Variants in LRRC28 observed in about 807,000 individuals in gnomAD.
LRRC28 encodes the protein leucine-rich repeat-containing protein 28.
Under a neutral mutation model 45.7 loss-of-function variants are expected in LRRC28, and 39 were observed. The observed-to-expected ratio is 0.85, with a 90% confidence interval of 0.66 to 1.12. The LOEUF (loss-of-function observed/expected upper bound fraction) is 1.12. Ranked by LOEUF, LRRC28 falls within the 50% of genes most tolerant of loss-of-function variation. The probability of loss-of-function intolerance (pLI) is 0.00; values close to 1 mark genes in which losing one functional copy is unlikely to be tolerated. For synonymous variants in LRRC28, 206 were observed against 178.8 expected (o/e 1.15, Z -1.22); for missense variants, 435 against 438.5 (o/e 0.99, Z 0.07).
At chr15:99,285,457 G>A (rs2081932229) in intron 3 of LRRC28, 5 of 847,162 alleles carry the variant, frequency 5.9e-6, no homozygotes, top group African/African-American at 1.7e-5. Context: ...CACACAGTCC[G>A]TGAGCGTTCC....
At chr15:99,271,650 A>T (rs2081482758) in intron 2 of LRRC28, among the ~76,000 whole-genome samples, 2 of 150,476 alleles carry the variant, frequency 1.3e-5, no homozygotes, top group Admixed American at 1.3e-4. Flanking sequence ...AAGCTGGAGT[A>T]CAGTGGCGTG....
chr15:99,366,670 T>C (rs1957349467), intron 9 of LRRC28, among the ~76,000 whole-genome samples: 1 of 152,048 alleles, frequency 6.6e-6, no homozygotes, highest in Admixed American at 6.6e-5. Context: ...GGATTCCACC[T>C]CATGACCTCA....
chr15:99,294,556 A>G (rs987656616), intron 5 of LRRC28, among the ~76,000 whole-genome samples: 3 of 152,192 alleles, frequency 2.0e-5, no homozygotes, highest in Non-Finnish European at 2.9e-5. Flanking sequence ...TGGGAGTTCC[A>G]AGATCAAGGT....
At chr15:99,261,261 G>A (rs573128221) in intron 2 of LRRC28, among the ~76,000 whole-genome samples, 1 of 152,218 alleles carries the variant, frequency 6.6e-6, no homozygotes, top group African/African-American at 2.4e-5. Context: ...AAACAACATA[G>A]AGGCGTATCT....
At chr15:99,329,245 A>G (rs1956082235) in intron 5 of LRRC28, among the ~76,000 whole-genome samples, 1 of 152,244 alleles carries the variant, frequency 6.6e-6, no homozygotes, top group African/African-American at 2.4e-5. Flanking sequence ...AAAATCACTT[A>G]ATTGTAATGG....
chr15:99,354,671 G>A lies in LRRC28; in HGVS notation c.695+2200G>A, dbSNP rs148236067. On this transcript the variant is annotated intron_variant, in intron 7 of 9. Coordinates refer to ENST00000301981, the MANE Select transcript of LRRC28 (RefSeq NM_144598.5). The stretch of plus-strand genomic sequence containing the variant: ...GAGCTAAGCGATGCAGTACCTGCCC[G>A]CATGGACCTTCTGATCTAGCCAGGG... 1.6e-3 allele frequency among the ~76,000 whole-genome samples: 249 copies of A among 152,314 alleles called. 1 individual carries two copies. The highest frequency in any genetic ancestry group is 3.4e-3 in the Middle Eastern group (1 of 294).
At chr15:99,303,907 T>C (rs1955079516) in intron 5 of LRRC28, among the ~76,000 whole-genome samples, 1 of 151,958 alleles carries the variant, frequency 6.6e-6, no homozygotes, top group Non-Finnish European at 1.5e-5. Flanking sequence ...CAGAGCATTG[T>C]CCCCCCCACT....
rs766338889 is a variant in LRRC28 at position 99,282,177 on chromosome 15, G to GTTTTTTTTTTTTT, written c.210-5078_210-5066dup. ...GGATTCCTTATGCAAATTTTTGGAG[G>GTTTTTTTTTTTTT]TTTTTTTTTTTTTTGTAGCAGTAGC... is the stretch of plus-strand genomic sequence containing the variant. On this transcript the variant is annotated intron_variant, in intron 3 of 9. Coordinates refer to ENST00000301981, the MANE Select transcript of LRRC28 (RefSeq NM_144598.5). Among the ~76,000 whole-genome samples the GTTTTTTTTTTTTT allele has an allele frequency of 1.7e-3, 167 of 98,030 alleles. 6 individuals are homozygous for GTTTTTTTTTTTTT. The highest frequency in any genetic ancestry group is 2.1e-3 in the Non-Finnish European group (111 of 53,620). 64.3% of individuals were successfully genotyped at this position (98,030 alleles called of 152,430 possible).
chr15:99,350,223 A>T (rs766931385), intron 6 of LRRC28, among the ~76,000 whole-genome samples: 1 of 152,144 alleles, frequency 6.6e-6, no homozygotes, highest in Non-Finnish European at 1.5e-5. Flanking sequence ...GCAAAAATTT[A>T]AAAACGTGAT....
At chr15:99,345,812 A>G (rs1420645192) in intron 6 of LRRC28, among the ~76,000 whole-genome samples, 4 of 152,210 alleles carry the variant, frequency 2.6e-5, no homozygotes, top group Non-Finnish European at 5.9e-5. Context: ...ACATTCAGTG[A>G]CCTTGCAACC....
chr15:99,293,562 C>T (rs1275679242), intron 5 of LRRC28, among the ~76,000 whole-genome samples: 3 of 109,236 alleles, frequency 2.7e-5, no homozygotes, highest in Non-Finnish European at 3.6e-5. Context: ...CGTTGCATTC[C>T]GGCCTGGGCA....
intron 5 of LRRC28, among the ~76,000 whole-genome samples, chr15:99,319,010 G>A (rs1955698984): frequency 6.6e-6 from 1 of 152,046 alleles, no homozygotes; most frequent in Non-Finnish European, 1.5e-5. Flanking sequence ...TTCCTGTTTT[G>A]AATTTGGAAA....
chr15:99,338,344 G>A (rs1434833912), intron 6 of LRRC28: 1 of 152,398 alleles, frequency 6.6e-6, no homozygotes, highest in Non-Finnish European at 1.5e-5. Flanking sequence ...GAACTATCTG[G>A]GAGAGAGTCA....
At chr15:99,277,620 GTAT>G (rs1472198475) in intron 3 of LRRC28, among the ~76,000 whole-genome samples, 1 of 152,114 alleles carries the variant, frequency 6.6e-6, no homozygotes, top group African/African-American at 2.4e-5. Context: ...TGAATTTACT[GTAT>G]TATTTGCTCT....
intron 9 of LRRC28, chr15:99,384,305 A>G (rs563962250): frequency 7.2e-5 from 11 of 152,200 alleles, no homozygotes; most frequent in Non-Finnish European, 1.5e-4. Context: ...TAGAGATGCT[A>G]GGGAGTCAAG....
chr15:99,255,839 T>C, intron 1 of LRRC28, 59 bp from the exon 2 acceptor site: 2 of 1,101,656 alleles, frequency 1.8e-6, no homozygotes, highest in Non-Finnish European at 2.5e-6. Flanking sequence ...CTAACTGGTT[T>C]ATATGGCAAT....
intron 6 of LRRC28, among the ~76,000 whole-genome samples, chr15:99,349,495 C>T (rs573928362): frequency 2.6e-5 from 4 of 152,302 alleles, no homozygotes; most frequent in African/African-American, 7.2e-5. Flanking sequence ...AAGAAAACAT[C>T]GGTGAATTCT....
At chr15:99,340,219 G>A (rs1377033034) in intron 6 of LRRC28, among the ~76,000 whole-genome samples, 1 of 152,198 alleles carries the variant, frequency 6.6e-6, no homozygotes, top group Non-Finnish European at 1.5e-5. Context: ...TTGTTTGTAG[G>A]AATTGGATGC....
At chr15:99,333,880 T>A in intron 5 of LRRC28, 43 bp from the exon 6 acceptor site, 1 of 1,588,490 alleles carries the variant, frequency 6.3e-7, no homozygotes, top group Non-Finnish European at 8.6e-7. Context: ...TTTATTTCAG[T>A]TCATAAGGAT....
Sources: gnomAD v4.1 joint callset for allele counts (sites outside exome capture counted in the v4.1 genomes callset) on GRCh38, gnomAD v4.1.1 for gene constraint, MANE v1.5 for transcripts, NCBI Gene and HGNC (gene_info 2026-07-23, HGNC 2026-07-21) for gene names.